GRM8: variants seen among roughly 807,000 people sequenced by gnomAD.
GRM8 encodes glutamate metabotropic receptor 8.
In GRM8, 47 loss-of-function variants were observed where a neutral mutation model predicts 87.2. The ratio of observed to expected loss-of-function variants is 0.54; its 90% CI spans 0.43 to 0.69. The LOEUF (loss-of-function observed/expected upper bound fraction) is 0.69, where lower values mean the gene tolerates loss of function less well. Among genes scored for constraint, GRM8 ranks in the 30% least tolerant of loss-of-function variants. GRM8 has a pLI of 0.00. For missense variants in GRM8, 1,019 were observed against 1,139.2 expected (o/e 0.89, Z 1.52); for synonymous variants, 396 against 404.5 (o/e 0.98, Z 0.25).
At chr7:126,690,645 T>A (rs1808704320) in intron 7 of GRM8, among the ~76,000 whole-genome samples, 1 of 152,144 alleles carries the variant, frequency 6.6e-6, no homozygotes, top group African/African-American at 2.4e-5. Context: ...TTACAGCTCT[T>A]TCAGCCCCAC....
rs3808163 is a variant in GRM8, at chr7:126,613,204, T to A, written c.1358-3706A>T. On this transcript the variant is annotated intron_variant, in intron 7 of 10. Transcript: ENST00000339582. ...AACTAACTCATTAGCTGTTTAATAA[T>A]TCCTACAAGTTTGCCATCTTTTAAA... Among the ~76,000 whole-genome samples the A allele has an allele frequency of 3.6e-3, 551 of 152,324 alleles. 12 individuals carry two copies. The East Asian group carries it at 0.07, about 19-fold the overall frequency.
intron 7 of GRM8, among the ~76,000 whole-genome samples, chr7:126,639,626 C>G (rs561704337): frequency 1.1e-4 from 17 of 152,218 alleles, no homozygotes; most frequent in African/African-American, 3.9e-4. Flanking sequence ...TTCTTCCCTG[C>G]AAGCCTAGGA....
At chr7:127,167,499 C>T (rs1371148720) in intron 2 of GRM8, among the ~76,000 whole-genome samples, 2 of 151,896 alleles carry the variant, frequency 1.3e-5, no homozygotes, top group Non-Finnish European at 2.9e-5. Flanking sequence ...ACAAGTCTAT[C>T]GCTGTCATTT....
At chr7:126,808,579 C>A (rs985586680) in intron 6 of GRM8, among the ~76,000 whole-genome samples, 2 of 152,164 alleles carry the variant, frequency 1.3e-5, no homozygotes, top group African/African-American at 4.8e-5. Context: ...TTCCTTAGAG[C>A]AAACATACAA....
chr7:126,876,439 C>A (rs570837087), intron 6 of GRM8, among the ~76,000 whole-genome samples: 1 of 152,202 alleles, frequency 6.6e-6, no homozygotes, highest in East Asian at 1.9e-4. Flanking sequence ...TCAAGTATCC[C>A]AAATGATTTT....
intron 6 of GRM8, among the ~76,000 whole-genome samples, chr7:126,793,487 G>A (rs1821594829): frequency 6.6e-6 from 1 of 152,140 alleles, no homozygotes. Context: ...CAACTCCTGA[G>A]AGGACCAAAT....
chr7:126,984,396 A>C (rs1458310696), intron 3 of GRM8, among the ~76,000 whole-genome samples: 2 of 152,194 alleles, frequency 1.3e-5, no homozygotes. Flanking sequence ...TGGGAAAGGC[A>C]GACCCACCCT....
At chr7:126,724,690 G>A (rs1385728106) in intron 7 of GRM8, among the ~76,000 whole-genome samples, 1 of 151,056 alleles carries the variant, frequency 6.6e-6, no homozygotes, top group Non-Finnish European at 1.5e-5. Context: ...TTTATGTAAA[G>A]CACATTTTAA....
chr7:126,877,904 T>C (rs1243539916), intron 6 of GRM8, among the ~76,000 whole-genome samples: 1 of 152,214 alleles, frequency 6.6e-6, no homozygotes, highest in Non-Finnish European at 1.5e-5. Flanking sequence ...AAGTGCTTGA[T>C]CATACTTCTC....
intron 7 of GRM8, among the ~76,000 whole-genome samples, chr7:126,686,142 C>T (rs576219025): frequency 6.6e-6 from 1 of 151,708 alleles, no homozygotes; most frequent in African/African-American, 2.4e-5. Flanking sequence ...GAGGAGCTAC[C>T]CTCTCTGCTG....
At chr7:126,978,917 T>C (rs1415035061) in intron 3 of GRM8, among the ~76,000 whole-genome samples, 1 of 152,232 alleles carries the variant, frequency 6.6e-6, no homozygotes, top group African/African-American at 2.4e-5. Flanking sequence ...CAGGAATTTA[T>C]TAATATTTCT....
chr7:126,774,686 CT>C (rs1819227654), intron 6 of GRM8, among the ~76,000 whole-genome samples: 1 of 152,070 alleles, frequency 6.6e-6, no homozygotes, highest in African/African-American at 2.4e-5. Flanking sequence ...GTCTTTCACA[CT>C]TTGTGGTATA....
intron 2 of GRM8, among the ~76,000 whole-genome samples, chr7:127,215,914 T>C (rs1189696562): frequency 5.9e-5 from 9 of 152,056 alleles, no homozygotes; most frequent in Admixed American, 5.9e-4. Context: ...TGAGCAGAGG[T>C]GAGGTGAGGT....
chr7:126,575,790 G>A (rs978824639), intron 8 of GRM8, among the ~76,000 whole-genome samples: 3 of 152,146 alleles, frequency 2.0e-5, no homozygotes, highest in African/African-American at 7.2e-5. Context: ...TCCTAAGGCA[G>A]TATAATGAGT....
intron 7 of GRM8, among the ~76,000 whole-genome samples, chr7:126,702,111 T>C (rs755904499): frequency 5.3e-4 from 81 of 152,346 alleles, no homozygotes; most frequent in Non-Finnish European, 9.7e-4. Flanking sequence ...AACACATTTG[T>C]GCTAGCATTC....
chr7:126,934,756 CAGTT>C (rs1027419858), intron 3 of GRM8, among the ~76,000 whole-genome samples: 3 of 152,150 alleles, frequency 2.0e-5, no homozygotes, highest in South Asian at 2.1e-4. Flanking sequence ...ATAAATCTCA[CAGTT>C]AGAGCTTAAT....
Position 126,952,869 on chromosome 7 carries a change from T to C in GRM8, c.728-48186A>G, listed in dbSNP as rs17867719. Among the ~76,000 whole-genome samples the C allele has an allele frequency of 9.3e-3, 1,410 of 152,178 alleles. 7 individuals are homozygous for C. Among genetic ancestry groups the C allele is most frequent in the Non-Finnish European group, 0.015 (1,038 of 67,934 alleles). On this transcript the variant is annotated intron_variant, in intron 3 of 10. Coordinates refer to ENST00000339582, the MANE Select transcript of GRM8 (RefSeq NM_000845.3). ...GGAGAAATAACAACAAAATGTGACA[T>C]GGGATCCTGAACAGAATCCTGGAGA... is the stretch of plus-strand genomic sequence containing the variant.
intron 7 of GRM8, among the ~76,000 whole-genome samples, chr7:126,687,367 C>A (rs1008906): frequency 0.17 from 25,820 of 152,148 alleles, 2,293 homozygotes; most frequent in African/African-American, 0.19. Flanking sequence ...ACTTTATCTG[C>A]TAGGCCACTT....
intron 2 of GRM8, among the ~76,000 whole-genome samples, chr7:127,206,559 A>G (rs1795923572): frequency 6.6e-6 from 1 of 152,106 alleles, no homozygotes; most frequent in Admixed American, 6.5e-5. Flanking sequence ...CCACAGCTAC[A>G]TCTCCTGTTC....
Sources: allele counts gnomAD v4.1 joint callset (sites outside exome capture counted in the v4.1 genomes callset), GRCh38; gene constraint gnomAD v4.1.1; transcripts MANE v1.5; gene names NCBI Gene and HGNC (gene_info 2026-07-23, HGNC 2026-07-21).